DDX51: variants seen among roughly 807,000 people sequenced by gnomAD.
DDX51 encodes ATP-dependent RNA helicase DDX51.
Under a neutral mutation model 74.6 loss-of-function variants are expected in DDX51, and 67 were observed. The ratio of observed to expected loss-of-function variants is 0.90; its 90% CI spans 0.74 to 1.10. The LOEUF (loss-of-function observed/expected upper bound fraction) is 1.10, where lower values mean the gene tolerates loss of function less well. DDX51 is among the 50% of genes least tolerant of loss of function. The pLI is 0.00. For missense variants in DDX51, 1,056 were observed against 905.2 expected (o/e 1.17, Z -2.14); for synonymous variants, 545 against 402.9 (o/e 1.35, Z -4.22).
chr12:132,139,607 GT>G (rs759324389), intron 14 of DDX51, 27 bp downstream of exon 14: 2 of 1,613,058 alleles, frequency 1.2e-6, no homozygotes, highest in Admixed American at 1.7e-5. Context: ...TCCCCAGAGG[GT>G]TTCATGCCGG....
At position 132,144,048 on chromosome 12, in the gene DDX51, G is replaced by A. The variant is rs956780395; in HGVS notation, c.249C>T (p.Ser83=). The A allele has an allele frequency of 2.3e-6, 3 of 1,318,746 alleles. No homozygotes were observed. The highest frequency in any genetic ancestry group is 4.3e-5 in the South Asian group (2 of 46,860). 81.7% of individuals were successfully genotyped at this position (1,318,746 alleles called of 1,614,324 possible). ...RRRVNDAEPG[S]PEAPQGKRRK... is the part of the protein sequence containing the mutation. ...GTCGCTTTCCCTGCGGCGCCTCCGG[G>A]CTCCCCGGCTCCGCGTCGTTCACCC... Residue 83 remains serine (S), a synonymous_variant, in exon 1 of 15, where the codon AGC becomes AGT. Coordinates refer to ENST00000397333, the MANE Select transcript of DDX51 (RefSeq NM_175066.4).
chr12:132,139,542 C>T (rs1006937204), intron 14 of DDX51, 93 bp downstream of exon 14: 24 of 1,609,080 alleles, frequency 1.5e-5, no homozygotes, highest in Non-Finnish European at 1.9e-5. Context: ...TCTCGCTTTC[C>T]TCTTTTTCCC....
rs746979018 is a variant in DDX51 at position 132,142,439 on chromosome 12, G to A, written c.671-17C>T. On this transcript the variant is annotated splice_polypyrimidine_tract_variant and intron_variant, in intron 3 of 14. Coordinates refer to ENST00000397333, the MANE Select transcript of DDX51 (RefSeq NM_175066.4). ...CTGCCTGGACTGGATGAGGAAAGGC[G>A]AGAGAGAAGTCGTGTTTACGCCTAG... 9.9e-6 allele frequency: 16 copies of A among 1,609,372 alleles called. No homozygotes were observed. Among genetic ancestry groups the A allele is most frequent in the Admixed American group, 5.0e-5 (3 of 59,956 alleles).
rs1296052491 is a variant in DDX51, at chr12:132,142,711, GC to G, written c.670+16del. The G allele has an allele frequency of 2.5e-6, 4 of 1,611,546 alleles. No homozygotes were observed. The Admixed American group carries it at 5.0e-5, about 20-fold the overall frequency. Reference sequence around the variant, plus strand: ...CAGGGAGGTGTTCCCTCAGCTGCCTGCCCGGGGCTGGGGCACCTGGAAAGTA... The same window carrying G: ...CAGGGAGGTGTTCCCTCAGCTGCCTGCCGGGGCTGGGGCACCTGGAAAGTA... On this transcript the variant is annotated intron_variant, in intron 3 of 14. Transcript: ENST00000397333.
rs1025796863 is a variant in DDX51, at chr12:132,144,300, C to T, written c.-4G>A. 5 of 1,335,570 alleles carry T rather than the reference C, an allele frequency of 3.7e-6. No individual in the cohort carries two copies. Among genetic ancestry groups the T allele is most frequent in the Non-Finnish European group, 3.8e-6 (4 of 1,047,104 alleles). The allele number at this position is 1,335,570 out of a possible 1,614,324, so 82.7% of individuals were successfully genotyped here. ...GCGCGACGTAGAACAGCGCCATGGC[C>T]AGCCGCACGCCTGGGACTCGGGCGT... On this transcript the variant is annotated 5_prime_UTR_variant, in exon 1 of 15. Transcript: ENST00000397333.
At position 132,141,505 on chromosome 12, in the gene DDX51, C is replaced by T. The variant is rs755159905; in HGVS notation, c.1097G>A (p.Arg366His). Residue 366 changes from arginine to histidine, a missense_variant, in exon 7 of 15, where the codon CGC (arginine) becomes CAC (histidine). Transcript: ENST00000397333. ...CCTGGGGCGGGGACCTACCAGGAAG[C>T]GGAGCTGCTGGAGGCTGAATCCTGG... ...QTPGFSLQQLRFLIIDEADRM... is the reference protein window; with the variant it reads ...QTPGFSLQQLHFLIIDEADRM... 3 of 1,590,848 alleles carry T rather than the reference C, an allele frequency of 1.9e-6. No homozygotes were observed. The highest frequency in any genetic ancestry group is 1.1e-5 in the South Asian group (1 of 89,918).
At chr12:132,143,175 G>A in intron 2 of DDX51, 1 of 452,080 alleles carries the variant, frequency 2.2e-6, no homozygotes, top group Non-Finnish European at 4.1e-6. Context: ...CGGCGTCCCT[G>A]CCTCGAGGCC....
In DDX51 at chr12:132,140,683, A is replaced by C; in HGVS notation, c.1493T>G (p.Leu498Arg). ...CCTCGAGAAGCCCATCTCCAGGACC[A>C]GGTGCAGGACGACCAGCGGCTTAGA... ...LSSKPLVVLH[L>R]VLEMGFSRVL... The change falls in exon 10 of 15, where the codon CTG (leucine) becomes CGG (arginine). Residue 498 changes from leucine (L) to arginine (R), a missense_variant. Coordinates refer to ENST00000397333, the MANE Select transcript of DDX51 (RefSeq NM_175066.4). 1 of 1,613,082 alleles carries C rather than the reference A, an allele frequency of 6.2e-7. No individual in the cohort carries two copies. The highest frequency in any genetic ancestry group is 8.5e-7 in the Non-Finnish European group (1 of 1,180,016).
chr12:132,142,302 A>C lies in DDX51; in HGVS notation c.791T>G (p.Leu264Arg). 1 of 1,613,122 alleles carries C rather than the reference A, an allele frequency of 6.2e-7. No individual in the cohort carries two copies. Among genetic ancestry groups the C allele is most frequent in the Non-Finnish European group, 8.5e-7 (1 of 1,179,972 alleles). ...CTGCACCACAGGGATGACGAAGGCC[A>C]GTGTCTTCCCACTGCCTGTTGGGGC... ...VSAPTGSGKT[L>R]AFVIPVVQAL... Residue 264 changes from leucine to arginine, a missense_variant, in exon 4 of 15, where the codon CTG becomes CGG. Transcript: ENST00000397333.
chr12:132,140,346 C>T (rs1354878750), intron 11 of DDX51, 77 bp downstream of exon 11: 35 of 1,586,980 alleles, frequency 2.2e-5, no homozygotes, highest in Non-Finnish European at 2.8e-5. Flanking sequence ...AAGGAAGCAC[C>T]TTTTAGAGAG....
Position 132,142,138 on chromosome 12 carries a change from G to T in DDX51, c.869C>A (p.Thr290Asn). The change falls in exon 5 of 15, where the codon ACC becomes AAC. Residue 290 changes from threonine to asparagine, a missense_variant. Physicochemically the swap from Thr to Asn is moderately conservative, Grantham distance 65. Coordinates refer to ENST00000397333, the MANE Select transcript of DDX51 (RefSeq NM_175066.4). Reference protein sequence around the residue: ...CHIRALVVLPTKELAQQVSKV... With the variant: ...CHIRALVVLPNKELAQQVSKV... ...ACATACCTGCTGGGCCAGCTCCTTG[G>T]TGGGCAGCACAACCAGGGCACGGAT... The T allele has an allele frequency of 6.5e-7, 1 of 1,545,608 alleles. No individual in the cohort carries two copies. Among genetic ancestry groups the T allele is most frequent in the Non-Finnish European group, 8.7e-7 (1 of 1,145,870 alleles).
chr12:132,141,186 C>T, intron 8 of DDX51, 89 bp downstream of exon 8: 1 of 1,509,438 alleles, frequency 6.6e-7, no homozygotes, highest in Non-Finnish European at 8.8e-7. Flanking sequence ...GAGCTCAAGC[C>T]ACCCTTATCT....
rs752493837 is a variant in DDX51 at position 132,142,896 on chromosome 12, G to A, written c.520-18C>T. On this transcript the variant is annotated intron_variant, in intron 2 of 14. Coordinates refer to ENST00000397333, the MANE Select transcript of DDX51 (RefSeq NM_175066.4). ...GGCTGGACCTGCCATCAAAAAGAAA[G>A]AGAGGCCAGGTGAGCGCTTTCCAGG... 6 of 1,611,372 alleles carry A rather than the reference G, an allele frequency of 3.7e-6. No individual in the cohort carries two copies. Among genetic ancestry groups the A allele is most frequent in the Non-Finnish European group, 4.2e-6 (5 of 1,179,878 alleles).
intron 6 of DDX51, 60 bp from the exon 7 acceptor site, chr12:132,141,666 G>C (rs1897469078): frequency 6.6e-7 from 1 of 1,523,070 alleles, no homozygotes; most frequent in Non-Finnish European, 8.8e-7. Flanking sequence ...CGGATAGCAA[G>C]ACGCTGCCTC....
intron 14 of DDX51, 132 bp downstream of exon 14, chr12:132,139,503 A>T: frequency 6.3e-7 from 1 of 1,579,570 alleles, no homozygotes; most frequent in Non-Finnish European, 8.7e-7. Flanking sequence ...CAGAAGCTCG[A>T]GGACAACCTG....
Position 132,140,497 on chromosome 12 carries a change from A to T in DDX51, c.1599T>A (p.Ala533=). The part of the protein sequence containing the change: ...LVQAFGGVDV[A]EFSSRYGPGQ... ...CAGGCCCGTAGCGCGAGGAGAACTC[A>T]GCCACGTCCACACCCCCAAAAGCTT... Residue 533 remains alanine, a synonymous_variant, in exon 11 of 15, where the codon GCT becomes GCA. Transcript: ENST00000397333. 6.2e-7 allele frequency: 1 copy of T among 1,613,150 alleles called. No homozygotes were observed. Among genetic ancestry groups the T allele is most frequent in the African/African-American group, 1.3e-5 (1 of 75,046 alleles).
Position 132,141,923 on chromosome 12 carries a change from T to A in DDX51, c.922A>T (p.Thr308Ser). 1.1e-5 allele frequency: 18 copies of A among 1,613,184 alleles called. No homozygotes were observed. Among genetic ancestry groups the A allele is most frequent in the Non-Finnish European group, 1.5e-5 (18 of 1,180,010 alleles). ...GTAACCAGGGAGACTCTCAGAGGTG[T>A]GGCATCTGTGTAGATGTTGAAAACT... ...SKVFNIYTDA[T>S]PLRVSLVTGQ... The change falls in exon 6 of 15, where the codon ACA becomes TCA. Residue 308 changes from threonine to serine, a missense_variant. Thr to Ser is a moderately conservative substitution (Grantham distance 58). Transcript: ENST00000397333.
At chr12:132,142,652 C>A in intron 3 of DDX51, 76 bp downstream of exon 3, 2 of 1,574,674 alleles carry the variant, frequency 1.3e-6, no homozygotes, top group Non-Finnish European at 1.7e-6. Context: ...GGACGCCTGA[C>A]CCACGGCCAC....
In DDX51 at chr12:132,138,459, C is replaced by G. The variant is rs1346685170; in HGVS notation, c.*813G>C. Reference sequence around the variant, plus strand: ...TCCCGAGTAGCTGGGACTATAGGTGCCCGCCACCACGCCCGGCTAGTTGTT... The same window carrying G: ...TCCCGAGTAGCTGGGACTATAGGTGGCCGCCACCACGCCCGGCTAGTTGTT... On this transcript the variant is annotated 3_prime_UTR_variant, in exon 15 of 15. Coordinates refer to ENST00000397333, the MANE Select transcript of DDX51 (RefSeq NM_175066.4). 6.9e-6 allele frequency: 1 copy of G among 145,730 alleles called. No homozygotes were observed. Among genetic ancestry groups the G allele is most frequent in the Admixed American group, 6.8e-5 (1 of 14,606 alleles). The allele number at this position is 145,730 out of a possible 1,614,324, so 9.0% of individuals were successfully genotyped here. A position where few individuals can be genotyped will look rare whatever the true frequency, so the allele number is the denominator to read the frequency against.
Sources: gnomAD v4.1 joint callset for allele counts on GRCh38, gnomAD v4.1.1 for gene constraint, MANE v1.5 for transcripts, NCBI Gene and HGNC (gene_info 2026-07-23, HGNC 2026-07-21) for gene names.